The following GALNT14 variants were observed in gnomAD, a reference collection of about 807,000 sequenced individuals.
GALNT14 encodes UDP-GalNAc:polypeptide N-acetylgalactosaminyltransferase 14.
A neutral mutation model predicts 77.5 loss-of-function variants in GALNT14; 60 were observed. The ratio of observed to expected loss-of-function variants is 0.77; its 90% CI spans 0.63 to 0.96. The LOEUF (loss-of-function observed/expected upper bound fraction) is 0.96, where lower values mean the gene tolerates loss of function less well. GALNT14 is among the 40% of genes least tolerant of loss of function. The probability of loss-of-function intolerance (pLI) is 0.00; values close to 1 mark genes in which losing one functional copy is unlikely to be tolerated. For missense variants in GALNT14, 710 were observed against 731.0 expected, an observed-to-expected ratio of 0.97 and a Z score of 0.33; for synonymous variants, 280 against 281.7, an observed-to-expected ratio of 0.99 and a Z score of 0.06.
At chr2:30,903,198 A>G in the GALNT14 span, among the ~76,000 whole-genome samples, 4 of 152,360 alleles carry the variant, frequency 2.6e-5, no homozygotes, top group East Asian at 5.8e-4. Flanking sequence ...AATGGATTTT[A>G]TAATGATGAC....
At chr2:31,123,808 C>T (rs1225091271) in intron 1 of GALNT14, among the ~76,000 whole-genome samples, 1 of 152,142 alleles carries the variant, frequency 6.6e-6, no homozygotes, top group Non-Finnish European at 1.5e-5. Flanking sequence ...CCATGTACCC[C>T]GGCAAAGATT....
At chr2:31,062,564 T>C (rs905232625) in intron 1 of GALNT14, among the ~76,000 whole-genome samples, 6 of 152,218 alleles carry the variant, frequency 3.9e-5, no homozygotes, top group Non-Finnish European at 7.3e-5. Context: ...TATAATCTTT[T>C]GGGTATATAC....
At chr2:31,060,921 T>C (rs972137087) in intron 1 of GALNT14, among the ~76,000 whole-genome samples, 1 of 152,218 alleles carries the variant, frequency 6.6e-6, no homozygotes, top group Non-Finnish European at 1.5e-5. Flanking sequence ...CGGAGGCTGC[T>C]TTCTGATTGG....
intron 1 of GALNT14, among the ~76,000 whole-genome samples, chr2:31,079,927 G>A (rs796283400): frequency 1.2e-4 from 18 of 152,308 alleles, no homozygotes; most frequent in African/African-American, 4.3e-4. Context: ...GGACACTCAG[G>A]GAACTGCTCT....
At chr2:30,969,227 C>T (rs561948688) in intron 2 of GALNT14, among the ~76,000 whole-genome samples, 20 of 152,190 alleles carry the variant, frequency 1.3e-4, no homozygotes, top group Admixed American at 7.2e-4. Flanking sequence ...CCACCAGGAC[C>T]GGGTGTGTCC....
intron 2 of GALNT14, among the ~76,000 whole-genome samples, chr2:30,984,948 T>G (rs1244610355): frequency 6.7e-6 from 1 of 149,836 alleles, no homozygotes; most frequent in Non-Finnish European, 1.5e-5. Flanking sequence ...GAAATTCGTG[T>G]ATTAATTCCA....
At chr2:31,000,883 C>T (rs959088101) in intron 1 of GALNT14, among the ~76,000 whole-genome samples, 2 of 152,144 alleles carry the variant, frequency 1.3e-5, no homozygotes, top group Non-Finnish European at 2.9e-5. Context: ...CCAGAGGGAA[C>T]TAGTGAGTGA....
At chr2:30,955,356 T>A (rs2303327) in intron 6 of GALNT14, among the ~76,000 whole-genome samples, 35,874 of 152,094 alleles carry the variant, frequency 0.24, 5,171 homozygotes, top group East Asian at 0.4. Flanking sequence ...ATATGTTATA[T>A]CCCAGCTGTC....
intron 1 of GALNT14, among the ~76,000 whole-genome samples, chr2:31,110,873 A>G (rs77913965): frequency 0.015 from 2,234 of 152,278 alleles, 45 homozygotes; most frequent in African/African-American, 0.051. Context: ...AGATTTTTTA[A>G]AGCTATAACT....
Position 30,910,729 on chromosome 2 carries a change from A to G in GALNT14, c.*172T>C, listed in dbSNP as rs1572949451. The stretch of plus-strand genomic sequence containing the variant: ...TGTCTTTGAGCCCCATTGGCTTGTG[A>G]TGTTTTCCTCTGTCCTCCCTGAGAC... On this transcript the variant is annotated 3_prime_UTR_variant, in exon 15 of 15. Transcript: ENST00000349752. 1.6e-6 allele frequency: 1 copy of G among 621,950 alleles called. No homozygotes were observed. The highest frequency in any genetic ancestry group is 3.2e-5 in the Admixed American group (1 of 30,902). 38.5% of individuals were successfully genotyped at this position (621,950 alleles called of 1,614,324 possible).
At chr2:30,977,184 C>T (rs369369941) in intron 2 of GALNT14, among the ~76,000 whole-genome samples, 32 of 151,580 alleles carry the variant, frequency 2.1e-4, no homozygotes, top group African/African-American at 6.8e-4. Context: ...CTGCCTCCGG[C>T]GTTCAAGCAA....
chr2:30,945,810 T>C lies in GALNT14; in HGVS notation c.715A>G (p.Ile239Val), dbSNP rs1666658391. 1 of 1,613,924 alleles carries C rather than the reference T, an allele frequency of 6.2e-7. No individual in the cohort carries two copies. The highest frequency in any genetic ancestry group is 1.7e-5 in the Admixed American group (1 of 60,006). ...DIINLDTFTY[I>V]ESASELRGGF... Reference sequence around the variant, plus strand: ...CCTCTGAGCTCCGAGGCAGACTCGATGTAGGTGAAGGTGTCCAGGTTAATG... The same window carrying C: ...CCTCTGAGCTCCGAGGCAGACTCGACGTAGGTGAAGGTGTCCAGGTTAATG... Residue 239 changes from isoleucine to valine, a missense_variant, in exon 7 of 15, where the codon ATC becomes GTC. By Grantham distance (29) the Ile-to-Val change is conservative. Coordinates refer to ENST00000349752, the MANE Select transcript of GALNT14 (RefSeq NM_024572.4).
At chr2:30,947,831 C>T (rs1170739865) in intron 6 of GALNT14, among the ~76,000 whole-genome samples, 1 of 152,226 alleles carries the variant, frequency 6.6e-6, no homozygotes, top group South Asian at 2.1e-4. Context: ...GGCCCTCAGC[C>T]TCCCACATGT....
At chr2:31,111,184 G>A (rs1677816108) in intron 1 of GALNT14, among the ~76,000 whole-genome samples, 1 of 152,176 alleles carries the variant, frequency 6.6e-6, no homozygotes, top group African/African-American at 2.4e-5. Context: ...GCTGCTACCT[G>A]TTGAGCTACC....
At chr2:30,940,890 G>C (rs1573002235) in intron 9 of GALNT14, among the ~76,000 whole-genome samples, 1 of 152,156 alleles carries the variant, frequency 6.6e-6, no homozygotes, top group African/African-American at 2.4e-5. Flanking sequence ...TGTTTGCTGG[G>C]CATCCAGTCT....
At chr2:30,902,745 C>A in the GALNT14 span, among the ~76,000 whole-genome samples, 2 of 152,162 alleles carry the variant, frequency 1.3e-5, no homozygotes, top group Non-Finnish European at 1.5e-5. Flanking sequence ...AAATGCCCAG[C>A]CCAGCAGTGG....
Position 31,097,942 on chromosome 2 carries a change from G to A in GALNT14, c.129+40016C>T, listed in dbSNP as rs143127823. Among the ~76,000 whole-genome samples the A allele has an allele frequency of 3.1e-3, 475 of 152,232 alleles. 3 individuals are homozygous for A. Among genetic ancestry groups the A allele is most frequent in the African/African-American group, 0.011 (450 of 41,556 alleles). ...TGGAGTATTTACTAACTGCTGAAAT[G>A]GGGATGTTTGCCTAGTTAATTTCCA... On this transcript the variant is annotated intron_variant, in intron 1 of 14. Coordinates refer to ENST00000349752, the MANE Select transcript of GALNT14 (RefSeq NM_024572.4).
intron 2 of GALNT14, among the ~76,000 whole-genome samples, chr2:30,974,651 G>T (rs1668536663): frequency 1.3e-5 from 2 of 152,138 alleles, no homozygotes; most frequent in South Asian, 4.2e-4. Context: ...TCTTGGCTTG[G>T]AAGTTACTTC....
chr2:30,906,651 G>A (rs1414646521), downstream of GALNT14, among the ~76,000 whole-genome samples: 1 of 151,658 alleles, frequency 6.6e-6, no homozygotes, highest in South Asian at 2.1e-4. Flanking sequence ...ACAGATCAAC[G>A]AGACAGAAAG....
Sources: gnomAD v4.1 joint callset for allele counts (sites outside exome capture counted in the v4.1 genomes callset) on GRCh38, gnomAD v4.1.1 for gene constraint, MANE v1.5 for transcripts, NCBI Gene and HGNC (gene_info 2026-07-23, HGNC 2026-07-21) for gene names.